Variants in GRIA1 observed in about 807,000 individuals in gnomAD.
The protein encoded by GRIA1 is glutamate receptor 1.
In GRIA1, 31 loss-of-function variants were observed where a neutral mutation model predicts 99.2. The ratio of observed to expected loss-of-function variants is 0.31; its 90% confidence interval spans 0.23 to 0.42. The LOEUF (loss-of-function observed/expected upper bound fraction) is 0.42, where lower values mean the gene tolerates loss of function less well. GRIA1 is among the 10% of genes least tolerant of loss of function. The pLI is 1.00. For missense variants in GRIA1, 782 were observed against 1,157.5 expected (o/e 0.68, Z 4.71); for synonymous variants, 438 against 432.4 (o/e 1.01, Z -0.16).
At chr5:153,744,395 A>T (rs1000512806) in intron 11 of GRIA1, among the ~76,000 whole-genome samples, 2 of 152,240 alleles carry the variant, frequency 1.3e-5, no homozygotes, top group African/African-American at 4.8e-5. Flanking sequence ...ATGACCCTGT[A>T]AGAATTATGG....
rs377720913 is a variant in GRIA1, at chr5:153,740,859, A to T, written c.1824-23575A>T. 5.3e-5 allele frequency among the ~76,000 whole-genome samples: 8 copies of T among 152,184 alleles called. No individual in the cohort carries two copies. In the East Asian group the frequency reaches 1.5e-3, roughly 29 times the overall value. On this transcript the variant is annotated intron_variant, in intron 11 of 15. Transcript: ENST00000285900. ...TCTCTGTCATTCTTAGCCCCAGGAAAGTGTGGTAGGACAAGAACCTCCAAC... is the reference window on the plus strand; with the variant it reads ...TCTCTGTCATTCTTAGCCCCAGGAATGTGTGGTAGGACAAGAACCTCCAAC...
intron 2 of GRIA1, among the ~76,000 whole-genome samples, chr5:153,578,238 A>G (rs1458392077): frequency 6.6e-6 from 1 of 152,050 alleles, no homozygotes; most frequent in Non-Finnish European, 1.5e-5. Flanking sequence ...AGAAAAAAGC[A>G]ATACACTGAG....
intron 8 of GRIA1, among the ~76,000 whole-genome samples, chr5:153,697,121 A>G (rs769187907): frequency 6.6e-6 from 1 of 152,128 alleles, no homozygotes; most frequent in Non-Finnish European, 1.5e-5. Flanking sequence ...TTTGGTCCAG[A>G]CCATTCATCT....
chr5:153,573,988 C>A (rs1439826746), intron 2 of GRIA1, among the ~76,000 whole-genome samples: 3 of 152,202 alleles, frequency 2.0e-5, no homozygotes, highest in African/African-American at 7.2e-5. Context: ...TCCCCTCCTT[C>A]TAGGACCAGA....
intron 2 of GRIA1, among the ~76,000 whole-genome samples, chr5:153,642,423 A>G (rs192384716): frequency 7.9e-4 from 121 of 152,202 alleles, no homozygotes; most frequent in African/African-American, 2.8e-3. Context: ...GCTCTTAATT[A>G]TTACTATCAG....
At position 153,674,488 on chromosome 5, in the gene GRIA1, C is replaced by A; in HGVS notation, c.700-12C>A. On this transcript the variant is annotated splice_polypyrimidine_tract_variant and intron_variant, in intron 5 of 15. Transcript: ENST00000285900. The stretch of plus-strand genomic sequence containing the variant: ...AGCATGTTCTAACTTCTCCCTCCTC[C>A]CCCTCTCACAGGGCTTCATGGACAT... The A allele has an allele frequency of 6.2e-7, 1 of 1,613,952 alleles. No individual in the cohort carries two copies. The highest frequency in any genetic ancestry group is 8.5e-7 in the Non-Finnish European group (1 of 1,179,846).
intron 14 of GRIA1, among the ~76,000 whole-genome samples, chr5:153,801,427 G>A (rs1225811041): frequency 6.6e-6 from 1 of 151,844 alleles, no homozygotes; most frequent in East Asian, 1.9e-4. Context: ...AGAACTCAGG[G>A]ATGATCTCAG....
chr5:153,491,975 G>A (rs1753956546), intron 1 of GRIA1, among the ~76,000 whole-genome samples: 1 of 152,162 alleles, frequency 6.6e-6, no homozygotes, highest in Non-Finnish European at 1.5e-5. Flanking sequence ...ATGTCCACAA[G>A]GGCTTGGGGC....
chr5:153,534,218 T>C (rs1191654628), intron 2 of GRIA1, among the ~76,000 whole-genome samples: 1 of 152,198 alleles, frequency 6.6e-6, no homozygotes, highest in East Asian at 1.9e-4. Context: ...CCTCTGAAAC[T>C]TAAGTTCCAA....
In GRIA1 at chr5:153,811,245, C is replaced by A. The variant is rs759459074; in HGVS notation, c.*20C>A. The A allele has an allele frequency of 2.5e-6, 4 of 1,599,330 alleles. No individual in the cohort carries two copies. Among genetic ancestry groups the A allele is most frequent in the Non-Finnish European group, 3.4e-6 (4 of 1,166,810 alleles). The stretch of plus-strand genomic sequence containing the variant: ...TTGTAACTGGAGCAGATGGAGACCC[C>A]TTGGGGAGCAGGCTCGGGCTCCCCA... On this transcript the variant is annotated 3_prime_UTR_variant, in exon 16 of 16. Transcript: ENST00000285900.
intron 13 of GRIA1, among the ~76,000 whole-genome samples, chr5:153,783,765 G>A (rs1180221039): frequency 1.3e-5 from 2 of 152,224 alleles, no homozygotes; most frequent in African/African-American, 4.8e-5. Flanking sequence ...TGTGCAGTGT[G>A]CAGGGTTCCT....
intron 13 of GRIA1, among the ~76,000 whole-genome samples, chr5:153,793,814 C>G (rs186992938): frequency 6.6e-6 from 1 of 152,182 alleles, no homozygotes; most frequent in Non-Finnish European, 1.5e-5. Context: ...GAGCAGGTGT[C>G]TGTGGTCCTC....
intron 2 of GRIA1, among the ~76,000 whole-genome samples, chr5:153,511,118 C>A (rs542049190): frequency 6.6e-6 from 1 of 152,120 alleles, no homozygotes; most frequent in South Asian, 2.1e-4. Context: ...ACAGAACAGG[C>A]GGGTCTGATT....
At chr5:153,565,590 T>C (rs1223468981) in intron 2 of GRIA1, among the ~76,000 whole-genome samples, 3 of 152,206 alleles carry the variant, frequency 2.0e-5, no homozygotes, top group African/African-American at 7.2e-5. Flanking sequence ...ACCCATTAGC[T>C]GTCATTCCCC....
intron 6 of GRIA1, among the ~76,000 whole-genome samples, chr5:153,675,627 C>A (rs1310777346): frequency 2.6e-5 from 4 of 152,182 alleles, no homozygotes; most frequent in Non-Finnish European, 5.9e-5. Context: ...CAATCCATTT[C>A]TTTTTATAAA....
chr5:153,556,930 G>T (rs6580025), intron 2 of GRIA1, among the ~76,000 whole-genome samples: 150,854 of 152,312 alleles, frequency 0.99, 74,724 homozygotes, highest in East Asian at 1. Context: ...GGCTATATTG[G>T]ATGATACAGA....
At chr5:153,795,152 C>T (rs1765567601) in intron 14 of GRIA1, among the ~76,000 whole-genome samples, 1 of 152,244 alleles carries the variant, frequency 6.6e-6, no homozygotes, top group East Asian at 1.9e-4. Context: ...GGGTGAGCAG[C>T]CAGAGAGCCT....
rs546527309 is a variant in GRIA1, at chr5:153,645,698, G to A, written c.221-1230G>A. On this transcript the variant is annotated intron_variant, in intron 2 of 15. Transcript: ENST00000285900. ...TCATGAAACCTTCTGGGCAATGGTC[G>A]CATACTGTAATTTGAGATCCCATAC... Among the ~76,000 whole-genome samples the A allele has an allele frequency of 8.5e-5, 13 of 152,222 alleles. No homozygotes were observed. The South Asian group carries it at 1.7e-3, about 19-fold the overall frequency.
rs76412825 is a variant in GRIA1 at position 153,658,656 on chromosome 5, T to A, written c.699+2784T>A. 9.6e-3 allele frequency among the ~76,000 whole-genome samples: 1,467 copies of A among 152,338 alleles called. 24 individuals carry two copies. The highest frequency in any genetic ancestry group is 0.033 in the African/African-American group (1,368 of 41,578). On this transcript the variant is annotated intron_variant, in intron 5 of 15. Transcript: ENST00000285900. ...GATAATTTTTAGAATTTCTGCCACA[T>A]AATTAGCCTACTGCTGCATAGAACT...
Sources: allele counts gnomAD v4.1 joint callset (sites outside exome capture counted in the v4.1 genomes callset), GRCh38; gene constraint gnomAD v4.1.1; transcripts MANE v1.5; gene names NCBI Gene and HGNC (gene_info 2026-07-23, HGNC 2026-07-21).